Variants in ROBO1 observed in about 807,000 individuals in gnomAD.
The protein encoded by ROBO1 is roundabout homolog 1.
ROBO1 carries 149 observed loss-of-function variants against 195.9 expected under a neutral mutation model. That is an observed-to-expected ratio of 0.76 (90% CI 0.67 to 0.87). The LOEUF (loss-of-function observed/expected upper bound fraction) is 0.87, where lower values mean the gene tolerates loss of function less well. Among genes scored for constraint, ROBO1 ranks in the 40% least tolerant of loss-of-function variants. The pLI is 0.00. For missense variants in ROBO1, 1,933 were observed against 2,068.3 expected (o/e 0.93, Z 1.27); for synonymous variants, 816 against 733.2 (o/e 1.11, Z -1.82).
At chr3:79,232,254 A>ATAT (rs200844111) in intron 2 of ROBO1, among the ~76,000 whole-genome samples, 2 of 146,682 alleles carry the variant, frequency 1.4e-5, no homozygotes, top group South Asian at 2.1e-4. Flanking sequence ...ATTTAAAAAA[A>ATAT]AAAAAAATAT....
intron 2 of ROBO1, among the ~76,000 whole-genome samples, chr3:79,205,964 T>G (rs2108790065): frequency 6.6e-6 from 1 of 152,338 alleles, no homozygotes; most frequent in Non-Finnish European, 1.5e-5. Context: ...CTTTTTAGAT[T>G]ATGGTAGTCC....
intron 4 of ROBO1, among the ~76,000 whole-genome samples, chr3:78,790,059 A>G (rs997422253): frequency 6.6e-5 from 10 of 152,152 alleles, no homozygotes; most frequent in African/African-American, 2.4e-4. Flanking sequence ...TTGTCCACAT[A>G]CCATGAACCT....
chr3:79,490,269 C>T (rs565956463), intron 2 of ROBO1, among the ~76,000 whole-genome samples: 130 of 152,314 alleles, frequency 8.5e-4, no homozygotes, highest in African/African-American at 3.0e-3. Context: ...TTGCCTTATA[C>T]TCTGGGCTTC....
intron 2 of ROBO1, among the ~76,000 whole-genome samples, chr3:79,368,779 T>A (rs1003066305): frequency 3.3e-5 from 5 of 152,130 alleles, no homozygotes; most frequent in Non-Finnish European, 5.9e-5. Context: ...CGCTTGCACC[T>A]TTTTTGCTCT....
intron 3 of ROBO1, among the ~76,000 whole-genome samples, chr3:79,020,860 C>T (rs955606407): frequency 6.6e-6 from 1 of 151,692 alleles, no homozygotes; most frequent in Non-Finnish European, 1.5e-5. Flanking sequence ...GTGGTTGCCT[C>T]TGGAGGACAG....
At chr3:79,707,187 C>T (rs942121975) in intron 1 of ROBO1, among the ~76,000 whole-genome samples, 1 of 152,042 alleles carries the variant, frequency 6.6e-6, no homozygotes, top group South Asian at 2.1e-4. Flanking sequence ...AGATATAGGT[C>T]TATACTGATT....
At chr3:79,575,427 AAT>A (rs535487324) in intron 2 of ROBO1, among the ~76,000 whole-genome samples, 5,188 of 127,940 alleles carry the variant, frequency 0.041, 145 homozygotes, top group Non-Finnish European at 0.061. Flanking sequence ...TATATATATA[AAT>A]ATATATATAA....
rs542947723 is a variant in ROBO1, at chr3:78,652,841, A to G, written c.2615-912T>C. On this transcript the variant is annotated intron_variant, in intron 18 of 30. Coordinates refer to ENST00000464233, the MANE Select transcript of ROBO1 (RefSeq NM_002941.4). Reference sequence around the variant, plus strand: ...AGTCTACTGAGTTTTTTTCAAGCCCACCATAACACCCAGCCACACAAGGGG... The same window carrying G: ...AGTCTACTGAGTTTTTTTCAAGCCCGCCATAACACCCAGCCACACAAGGGG... Among the ~76,000 whole-genome samples, 3 of 152,200 alleles carry G rather than the reference A, an allele frequency of 2.0e-5. No individual in the cohort carries two copies. In the East Asian group the frequency reaches 5.8e-4, roughly 29 times the overall value.
intron 2 of ROBO1, among the ~76,000 whole-genome samples, chr3:79,145,830 G>A (rs559722007): frequency 9.2e-5 from 14 of 151,938 alleles, no homozygotes; most frequent in South Asian, 4.1e-4. Flanking sequence ...AAAATAACAC[G>A]AATTAAATAA....
At chr3:78,860,326 A>ATATATATATATATATTTT (rs376853384) in intron 4 of ROBO1, among the ~76,000 whole-genome samples, 8 of 93,518 alleles carry the variant, frequency 8.6e-5, no homozygotes, top group South Asian at 3.9e-4. Context: ...ATATATATAT[A>ATATATATATATATATTTT]TTTTTTTTTT....
intron 2 of ROBO1, among the ~76,000 whole-genome samples, chr3:79,144,999 T>C (rs1460955560): frequency 1.3e-5 from 2 of 152,016 alleles, no homozygotes; most frequent in African/African-American, 2.4e-5. Flanking sequence ...CAGAATTGCC[T>C]ACATAAAATT....
intron 1 of ROBO1, among the ~76,000 whole-genome samples, chr3:79,723,067 AAATAT>A (rs1312841203): frequency 1.3e-5 from 2 of 152,226 alleles, no homozygotes; most frequent in Non-Finnish European, 1.5e-5. Context: ...ATTTTTGGTT[AAATAT>A]AATTAGTATT....
At chr3:79,311,541 C>G (rs1171096051) in intron 2 of ROBO1, among the ~76,000 whole-genome samples, 1 of 152,066 alleles carries the variant, frequency 6.6e-6, no homozygotes, top group African/African-American at 2.4e-5. Flanking sequence ...AGCATGCTGT[C>G]AGGTTAATCA....
At chr3:79,593,159 T>C (rs990370103) in intron 1 of ROBO1, among the ~76,000 whole-genome samples, 2 of 152,068 alleles carry the variant, frequency 1.3e-5, no homozygotes, top group Non-Finnish European at 2.9e-5. Context: ...CATTTACTTA[T>C]AGAAGGACAT....
intron 2 of ROBO1, among the ~76,000 whole-genome samples, chr3:79,555,962 G>A (rs1942683991): frequency 6.6e-6 from 1 of 152,066 alleles, no homozygotes; most frequent in Non-Finnish European, 1.5e-5. Flanking sequence ...TGCCATGTGT[G>A]TTGAAGCAGA....
rs187584326 is a variant in ROBO1, at chr3:79,661,268, A to T, written c.-50-71307T>A. 2.0e-5 allele frequency among the ~76,000 whole-genome samples: 3 copies of T among 152,206 alleles called. No homozygotes were observed. The East Asian group carries it at 5.8e-4, about 30-fold the overall frequency. ...CCCAAATCAAATGACTGATTGATGC[A>T]GAAAGATCTGGCTATGCTCTCTTTC... On this transcript the variant is annotated intron_variant, in intron 1 of 30. Transcript: ENST00000464233.
At chr3:79,740,571 G>A (rs909548712) in intron 1 of ROBO1, among the ~76,000 whole-genome samples, 3 of 152,094 alleles carry the variant, frequency 2.0e-5, no homozygotes, top group Non-Finnish European at 2.9e-5. Flanking sequence ...CTGAGAATGA[G>A]TGCCGAGTGC....
At chr3:79,309,273 A>T (rs2109086957) in intron 2 of ROBO1, among the ~76,000 whole-genome samples, 1 of 152,274 alleles carries the variant, frequency 6.6e-6, no homozygotes, top group Non-Finnish European at 1.5e-5. Flanking sequence ...AATTTTAAGA[A>T]CTAATCACTG....
intron 21 of ROBO1, among the ~76,000 whole-genome samples, chr3:78,644,592 T>C (rs1434101535): frequency 2.0e-5 from 3 of 152,144 alleles, no homozygotes; most frequent in Non-Finnish European, 4.4e-5. Flanking sequence ...GGATTTTATT[T>C]TTAACTTTAA....
Sources: allele counts gnomAD v4.1 joint callset (sites outside exome capture counted in the v4.1 genomes callset), GRCh38; gene constraint gnomAD v4.1.1; transcripts MANE v1.5; gene names NCBI Gene and HGNC (gene_info 2026-07-23, HGNC 2026-07-21).